The following DLG2 variants were observed in gnomAD, a reference collection of about 807,000 sequenced individuals.
The protein encoded by DLG2 is disks large homolog 2.
A neutral mutation model predicts 132.5 loss-of-function variants in DLG2; 45 were observed. The observed-to-expected ratio is 0.34, with a 90% CI of 0.27 to 0.44. The LOEUF (loss-of-function observed/expected upper bound fraction) is 0.44. Ranked by LOEUF, DLG2 falls within the 20% of genes least tolerant of loss-of-function variation. DLG2 has a pLI of 1.00. For missense variants in DLG2, 1,045 were observed against 1,196.9 expected (o/e 0.87, Z 1.87); for synonymous variants, 424 against 419.6 (o/e 1.01, Z -0.13).
At chr11:83,613,615 T>A (rs1590950289) in intron 19 of DLG2, among the ~76,000 whole-genome samples, 1 of 152,204 alleles carries the variant, frequency 6.6e-6, no homozygotes, top group African/African-American at 2.4e-5. Flanking sequence ...TAATGTTAAA[T>A]GTGATTAAAA....
intron 4 of DLG2, among the ~76,000 whole-genome samples, chr11:85,225,990 T>C (rs546955778): frequency 5.3e-5 from 8 of 152,208 alleles, no homozygotes; most frequent in Admixed American, 3.9e-4. Context: ...CAGACACTTA[T>C]TGTAGAAACC....
intron 15 of DLG2, among the ~76,000 whole-genome samples, chr11:83,906,677 A>G (rs1291032699): frequency 6.6e-6 from 1 of 152,102 alleles, no homozygotes; most frequent in African/African-American, 2.4e-5. Flanking sequence ...GGTAAACATT[A>G]TTTCCCCACT....
At chr11:85,020,996 CTTA>C (rs1032737561) in intron 6 of DLG2, 1 of 777,834 alleles carries the variant, frequency 1.3e-6, no homozygotes, top group African/African-American at 1.7e-5. Context: ...CCTCTTCTGA[CTTA>C]TTATTCATAT....
rs538695480 is a variant in DLG2, at chr11:83,860,999, C to A, written c.1565+13421G>T. Among the ~76,000 whole-genome samples, 22 of 152,272 alleles carry A rather than the reference C, an allele frequency of 1.4e-4. No individual in the cohort carries two copies. In the South Asian group the frequency reaches 4.6e-3, roughly 32 times the overall value. ...TTCCACCATGATTGTGAGGCCTTCCCACCCGTTAAACCTCTTTTTCTGCCC... is the reference window on the plus strand; with the variant it reads ...TTCCACCATGATTGTGAGGCCTTCCAACCCGTTAAACCTCTTTTTCTGCCC... On this transcript the variant is annotated intron_variant, in intron 16 of 27. Transcript: ENST00000376104.
chr11:85,033,477 A>G (rs1015880322), intron 6 of DLG2, among the ~76,000 whole-genome samples: 5 of 152,230 alleles, frequency 3.3e-5, no homozygotes, highest in African/African-American at 1.2e-4. Context: ...CTTAATTTCA[A>G]AAAGATTTTA....
chr11:84,626,981 C>T (rs1265798647), intron 6 of DLG2, among the ~76,000 whole-genome samples: 1 of 151,998 alleles, frequency 6.6e-6, no homozygotes, highest in Non-Finnish European at 1.5e-5. Context: ...AAGTGATTCT[C>T]CTGCCCCAGT....
chr11:85,266,282 A>G (rs1010367609), intron 4 of DLG2, among the ~76,000 whole-genome samples: 2 of 152,248 alleles, frequency 1.3e-5, no homozygotes, highest in African/African-American at 4.8e-5. Flanking sequence ...GCGGTGGATC[A>G]TGGTGGGCCT....
At chr11:83,503,072 CAG>C (rs2094514953) in intron 21 of DLG2, among the ~76,000 whole-genome samples, 1 of 151,818 alleles carries the variant, frequency 6.6e-6, no homozygotes, top group Admixed American at 6.6e-5. Flanking sequence ...AATTTAATGA[CAG>C]AGATTTCTAA....
chr11:85,148,743 C>T (rs2077030010), intron 5 of DLG2, among the ~76,000 whole-genome samples: 1 of 152,154 alleles, frequency 6.6e-6, no homozygotes, highest in Non-Finnish European at 1.5e-5. Flanking sequence ...TGCAGAAGCT[C>T]TGTAGTTTAA....
chr11:84,117,482 C>CA (rs897056364), intron 9 of DLG2, among the ~76,000 whole-genome samples: 57 of 152,286 alleles, frequency 3.7e-4, no homozygotes, highest in African/African-American at 1.3e-3. Flanking sequence ...TTCCTCCTCC[C>CA]AACTCCTACT....
intron 4 of DLG2, among the ~76,000 whole-genome samples, chr11:85,271,110 C>T (rs141901238): frequency 4.1e-4 from 63 of 152,278 alleles, no homozygotes; most frequent in African/African-American, 1.5e-3. Context: ...TTTTGTGGGC[C>T]AGGCCCAGGG....
At chr11:83,499,007 A>G (rs1365333312) in intron 21 of DLG2, among the ~76,000 whole-genome samples, 1 of 152,152 alleles carries the variant, frequency 6.6e-6, no homozygotes, top group East Asian at 1.9e-4. Context: ...TTGAATCAAG[A>G]AAAAATTAAA....
At chr11:85,504,692 GCA>G (rs2093886726) in intron 3 of DLG2, among the ~76,000 whole-genome samples, 1 of 152,128 alleles carries the variant, frequency 6.6e-6, no homozygotes, top group South Asian at 2.1e-4. Flanking sequence ...TCTTGGCAAT[GCA>G]GGCTCTTTTT....
chr11:85,053,475 C>T (rs1424259486), intron 6 of DLG2, among the ~76,000 whole-genome samples: 1 of 151,918 alleles, frequency 6.6e-6, no homozygotes, highest in East Asian at 1.9e-4. Context: ...TCTCTTAAAA[C>T]CTGGCAGACA....
At chr11:84,770,901 C>T (rs547110752) in intron 6 of DLG2, among the ~76,000 whole-genome samples, 42 of 151,978 alleles carry the variant, frequency 2.8e-4, no homozygotes, top group South Asian at 1.9e-3. Context: ...GCCTGCCCAC[C>T]TTGGCCTCCC....
chr11:85,272,993 A>G (rs1284665221), intron 4 of DLG2, among the ~76,000 whole-genome samples: 2 of 152,372 alleles, frequency 1.3e-5, no homozygotes, highest in East Asian at 3.9e-4. Context: ...GACAAAAACA[A>G]GAAATGGGGA....
At position 84,694,714 on chromosome 11, in the gene DLG2, A is replaced by G. The variant is rs544323710; in HGVS notation, c.358-159983T>C. ...AAGAGTGAATATCCATGGTCATGTA[A>G]CCTGATTTTGATCTGTTTATCAGAT... On this transcript the variant is annotated intron_variant, in intron 6 of 27. Transcript: ENST00000376104. 2.0e-5 allele frequency among the ~76,000 whole-genome samples: 3 copies of G among 151,708 alleles called. No individual in the cohort carries two copies. In the East Asian group the frequency reaches 5.8e-4, roughly 30 times the overall value.
At chr11:84,069,005 T>A (rs899341540) in intron 10 of DLG2, among the ~76,000 whole-genome samples, 2 of 152,212 alleles carry the variant, frequency 1.3e-5, no homozygotes, top group Non-Finnish European at 2.9e-5. Flanking sequence ...TCCAGGACCA[T>A]ACTGTAAACC....
chr11:84,149,082 G>A, intron 9 of DLG2, among the ~76,000 whole-genome samples: 1 of 152,038 alleles, frequency 6.6e-6, no homozygotes, highest in African/African-American at 2.4e-5. Flanking sequence ...CTTTTGGCCT[G>A]TTTATTTGTT....
Sources: gnomAD v4.1 joint callset for allele counts (sites outside exome capture counted in the v4.1 genomes callset) on GRCh38, gnomAD v4.1.1 for gene constraint, MANE v1.5 for transcripts, NCBI Gene and HGNC (gene_info 2026-07-23, HGNC 2026-07-21) for gene names.